Variants in GRIK5 observed in about 807,000 individuals in gnomAD.
GRIK5 encodes the protein glutamate receptor ionotropic, kainate 5.
GRIK5 carries 43 observed loss-of-function variants against 97.4 expected under a neutral mutation model. That is an observed-to-expected ratio of 0.44 (90% CI 0.35 to 0.57). The LOEUF is 0.57. Among genes scored for constraint, GRIK5 ranks in the 20% least tolerant of loss-of-function variants. The pLI is 0.01. For missense variants in GRIK5, 1,015 were observed against 1,382.0 expected (o/e 0.73, Z 4.21); for synonymous variants, 580 against 583.5 (o/e 0.99, Z 0.09).
chr19:42,024,097 A>G (rs1004190079), intron 12 of GRIK5, among the ~76,000 whole-genome samples: 6 of 151,622 alleles, frequency 4.0e-5, no homozygotes, highest in Non-Finnish European at 7.4e-5. Context: ...CTCTCCCCCA[A>G]GCTCTTCTTC....
At chr19:42,036,210 C>G (rs901689326) in intron 12 of GRIK5, among the ~76,000 whole-genome samples, 21 of 151,988 alleles carry the variant, frequency 1.4e-4, no homozygotes, top group Admixed American at 7.2e-4. Flanking sequence ...CAGGTGCACA[C>G]CACTACGCCT....
chr19:42,047,985 A>G (rs981532820), intron 11 of GRIK5, among the ~76,000 whole-genome samples: 3 of 151,502 alleles, frequency 2.0e-5, no homozygotes, highest in African/African-American at 7.3e-5. Context: ...AAAAAAAAAA[A>G]AAAAAAAGAA....
intron 15 of GRIK5, among the ~76,000 whole-genome samples, chr19:42,016,285 G>A (rs2075622815): frequency 6.6e-6 from 1 of 152,208 alleles, no homozygotes; most frequent in Non-Finnish European, 1.5e-5. Flanking sequence ...GCCAGACGTG[G>A]TGGCTGGCAC....
intron 17 of GRIK5, among the ~76,000 whole-genome samples, chr19:42,005,247 A>AC (rs1411587494): frequency 1.1e-4 from 17 of 151,202 alleles, no homozygotes; most frequent in African/African-American, 2.7e-4. Flanking sequence ...CAAAAAAAAA[A>AC]AAAAAAAAAA....
chr19:42,012,258 T>TATG (rs1568886617), intron 15 of GRIK5, among the ~76,000 whole-genome samples: 20 of 147,292 alleles, frequency 1.4e-4, no homozygotes, highest in Admixed American at 4.7e-4. Flanking sequence ...ATGTATGTAT[T>TATG]TATTTATTTG....
chr19:42,003,519 G>A lies in GRIK5; in HGVS notation c.2392+36C>T. 6.2e-7 allele frequency: 1 copy of A among 1,604,810 alleles called. No homozygotes were observed. The highest frequency in any genetic ancestry group is 8.5e-7 in the Non-Finnish European group (1 of 1,173,422). On this transcript the variant is annotated intron_variant, in intron 18 of 19. Transcript: ENST00000593562. The surrounding 1 kb of genome is among the most constrained non-coding windows in gnomAD (Gnocchi z 4.2). ...CTGTGTGGGAAGGGGGCTGGGAGGG[G>A]GCTATGGGAAGGGGACACCATACGC...
At chr19:42,032,138 A>G (rs2146080727) in intron 12 of GRIK5, among the ~76,000 whole-genome samples, 1 of 152,336 alleles carries the variant, frequency 6.6e-6, no homozygotes, top group East Asian at 1.9e-4. Flanking sequence ...GATGTTTGTT[A>G]ATGATTATTT....
intron 15 of GRIK5, among the ~76,000 whole-genome samples, chr19:42,010,695 C>G (rs558067079): frequency 6.6e-6 from 1 of 152,182 alleles, no homozygotes; most frequent in South Asian, 2.1e-4. Flanking sequence ...AAAAGAAACA[C>G]AACACCAGAT....
chr19:42,046,828 C>T (rs1300427354), intron 11 of GRIK5, among the ~76,000 whole-genome samples: 5 of 152,116 alleles, frequency 3.3e-5, no homozygotes, highest in Non-Finnish European at 7.4e-5. Context: ...TCCTCACCTG[C>T]CTTGTACTCT....
intron 19 of GRIK5, among the ~76,000 whole-genome samples, chr19:42,000,145 C>T (rs552563759): frequency 6.6e-6 from 1 of 152,346 alleles, no homozygotes; most frequent in South Asian, 2.1e-4. Flanking sequence ...CCATAAACCA[C>T]TGGAAGGATT....
In GRIK5 at chr19:41,998,778, T is replaced by G. The variant is rs184837623; in HGVS notation, c.*93A>C. On this transcript the variant is annotated 3_prime_UTR_variant, in exon 20 of 20. Transcript: ENST00000593562. Reference sequence around the variant, plus strand: ...CCGGGGCGCCGGCGCACAAGTCCTGTCCCGCGCCCGCTGCGGGAGCGGAGA... The same window carrying G: ...CCGGGGCGCCGGCGCACAAGTCCTGGCCCGCGCCCGCTGCGGGAGCGGAGA... 199 of 614,154 alleles carry G rather than the reference T, an allele frequency of 3.2e-4. No homozygotes were observed. In the Middle Eastern group the frequency reaches 3.6e-3, roughly 11 times the overall value. The allele number at this position is 614,154 out of a possible 1,614,324, so 38.0% of individuals were successfully genotyped here.
Position 42,002,642 on chromosome 19 carries a change from A to T in GRIK5, c.2514+690T>A, listed in dbSNP as rs1233805176. On this transcript the variant is annotated intron_variant, in intron 19 of 19. Transcript: ENST00000593562. The surrounding 1 kb of genome is among the most constrained non-coding windows in gnomAD (Gnocchi z 5.2). ...AGGGGAAGCAGGGAACCAGCAGTCC[A>T]GGGGTGCAAGAGCACGAATGGGTCT... The T allele has an allele frequency of 1.6e-6, 1 of 621,620 alleles. No individual in the cohort carries two copies. The highest frequency in any genetic ancestry group is 1.8e-5 in the African/African-American group (1 of 54,086). The allele number at this position is 621,620 out of a possible 1,614,324, so 38.5% of individuals were successfully genotyped here. A position where few individuals can be genotyped will look rare whatever the true frequency, so the allele number is the denominator to read the frequency against.
In GRIK5 at chr19:42,021,996, T is replaced by A. The variant is rs1379309333; in HGVS notation, c.1648A>T (p.Met550Leu). The A allele has an allele frequency of 6.2e-7, 1 of 1,613,826 alleles. No homozygotes were observed. Among genetic ancestry groups the A allele is most frequent in the South Asian group, 1.1e-5 (1 of 91,060 alleles). Residue 550 changes from methionine to leucine, a missense_variant, in exon 14 of 20, where the codon ATG becomes TTG. Met to Leu is a conservative substitution (Grantham distance 15). Transcript: ENST00000593562. The surrounding 1 kb of genome is among the most constrained non-coding windows in gnomAD (Gnocchi z 4.2). ...DPFSPAVWLF[M>L]LLAYLAVSCV... ...CTGACAGCCAGGTAGGCAAGAAGCA[T>A]GAAGAGCCACACAGCAGGGGAGAAG...
intron 12 of GRIK5, among the ~76,000 whole-genome samples, chr19:42,035,260 C>T (rs1365981144): frequency 1.3e-5 from 2 of 151,890 alleles, no homozygotes; most frequent in Admixed American, 1.3e-4. Context: ...GGATTATAGG[C>T]GTGAGTCACT....
chr19:42,017,989 TGG>T lies in GRIK5; in HGVS notation c.1871+3310_1871+3311del, dbSNP rs546116215. ...GTGACCAAGGGAGAGTTGGGAGGGA[TGG>T]GGGCCATGGTCAGAGTGAAACCTTA... On this transcript the variant is annotated intron_variant, in intron 15 of 19. Coordinates refer to ENST00000593562, the MANE Select transcript of GRIK5 (RefSeq NM_002088.5). Among the ~76,000 whole-genome samples, 47 of 151,378 alleles carry T rather than the reference TGG, an allele frequency of 3.1e-4. No homozygotes were observed. The East Asian group carries it at 8.4e-3, about 27-fold the overall frequency.
At chr19:42,039,786 C>T (rs2075955960) in intron 12 of GRIK5, among the ~76,000 whole-genome samples, 1 of 151,844 alleles carries the variant, frequency 6.6e-6, no homozygotes, top group Non-Finnish European at 1.5e-5. Context: ...TCAAGACCAG[C>T]CTAGGCAACA....
chr19:42,009,184 C>T (rs2075529096), intron 15 of GRIK5, among the ~76,000 whole-genome samples: 1 of 152,132 alleles, frequency 6.6e-6, no homozygotes, highest in Non-Finnish European at 1.5e-5. Flanking sequence ...GCCTGGTCGT[C>T]ACTGCACTCT....
intron 12 of GRIK5, among the ~76,000 whole-genome samples, chr19:42,039,984 G>GA (rs1025258131): frequency 1.1e-3 from 156 of 141,276 alleles, no homozygotes; most frequent in African/African-American, 2.9e-3. Flanking sequence ...AGTCTCAAAG[G>GA]AAAAAAAAAA....
intron 15 of GRIK5, among the ~76,000 whole-genome samples, chr19:42,015,656 G>A (rs1033984272): frequency 1.4e-4 from 21 of 152,212 alleles, no homozygotes; most frequent in African/African-American, 4.3e-4. Context: ...CACACAGCAA[G>A]TGCTATGCAA....
Sources: allele counts gnomAD v4.1 joint callset (sites outside exome capture counted in the v4.1 genomes callset), GRCh38; gene constraint gnomAD v4.1.1; non-coding constraint Gnocchi (gnomAD v3.1); transcripts MANE v1.5; gene names NCBI Gene and HGNC (gene_info 2026-07-23, HGNC 2026-07-21).